The following AGBL1 variants were observed in gnomAD, a reference collection of about 807,000 sequenced individuals.
AGBL1 encodes AGBL carboxypeptidase 1, also known as cytosolic carboxypeptidase 4.
AGBL1 carries 130 observed loss-of-function variants against 118.9 expected under a neutral mutation model. The ratio of observed to expected loss-of-function variants is 1.09; its 90% CI spans 0.95 to 1.26. AGBL1 has a LOEUF of 1.26. Among genes scored for constraint, AGBL1 ranks in the 50% most tolerant of loss-of-function variants. AGBL1 has a pLI of 0.00. For missense variants in AGBL1, 1,584 were observed against 1,298.1 expected (o/e 1.22, Z -3.38); for synonymous variants, 555 against 478.9 (o/e 1.16, Z -2.08).
At chr15:86,924,132 C>T (rs913815980) in intron 23 of AGBL1, among the ~76,000 whole-genome samples, 1 of 152,346 alleles carries the variant, frequency 6.6e-6, no homozygotes. Flanking sequence ...CACAGATGCA[C>T]ATGTATGCAT....
At chr15:86,929,209 TTAA>T (rs553593906) in intron 23 of AGBL1, among the ~76,000 whole-genome samples, 147 of 152,336 alleles carry the variant, frequency 9.6e-4, no homozygotes, top group African/African-American at 3.3e-3. Context: ...AAACATTCTC[TTAA>T]TAAGAAAGAA....
intron 22 of AGBL1, among the ~76,000 whole-genome samples, chr15:86,714,937 C>T (rs12901516): frequency 0.39 from 59,530 of 152,016 alleles, 12,711 homozygotes; most frequent in Non-Finnish European, 0.48. Context: ...GTGCTCACCA[C>T]TTTAAATTTT....
chr15:86,643,662 CA>C (rs2085228177), intron 21 of AGBL1, among the ~76,000 whole-genome samples: 1 of 152,044 alleles, frequency 6.6e-6, no homozygotes, highest in Non-Finnish European at 1.5e-5. Context: ...ATTAGTTTGA[CA>C]TTTTTTAAAT....
At position 86,267,040 on chromosome 15, in the gene AGBL1, A is replaced by G. The variant is rs747316421; in HGVS notation, c.1802A>G (p.Glu601Gly). Residue 601 changes from glutamate to glycine, a missense_variant, in exon 13 of 23, where the codon GAG becomes GGG. Coordinates refer to ENST00000614907, the MANE Select transcript of AGBL1 (RefSeq NM_001386094.1). Reference protein sequence around the residue: ...SNCLRFFSKFESGNLRKAIQV... With the variant: ...SNCLRFFSKFGSGNLRKAIQV... ...TGTTTACGGTTCTTCTCCAAATTTG[A>G]GTCAGGAAATCTTCGCAAAGCCATC... 8 of 1,570,120 alleles carry G rather than the reference A, an allele frequency of 5.1e-6. No homozygotes were observed. The highest frequency in any genetic ancestry group is 6.9e-6 in the Non-Finnish European group (8 of 1,156,192).
At chr15:86,992,297 C>CG (rs1567276189) in intron 24 of AGBL1, among the ~76,000 whole-genome samples, 1 of 152,130 alleles carries the variant, frequency 6.6e-6, no homozygotes, top group Admixed American at 6.5e-5. Flanking sequence ...GCCTCCCACC[C>CG]GGCCTCGGCT....
At chr15:86,200,678 G>A (rs139497857) in intron 5 of AGBL1, among the ~76,000 whole-genome samples, 2,124 of 150,434 alleles carry the variant, frequency 0.014, 33 homozygotes, top group African/African-American at 0.044. Context: ...GTGCAATGGC[G>A]CGATCTCGGC....
intron 5 of AGBL1, among the ~76,000 whole-genome samples, chr15:86,212,985 T>A (rs1162393160): frequency 1.3e-5 from 2 of 152,010 alleles, no homozygotes; most frequent in Admixed American, 1.3e-4. Context: ...ATCATCTGAG[T>A]TTTAATGACG....
chr15:86,100,673 A>T (rs1471434399), intron 1 of AGBL1, among the ~76,000 whole-genome samples: 2 of 151,830 alleles, frequency 1.3e-5, no homozygotes, highest in East Asian at 1.9e-4. Flanking sequence ...ATAGTCTCTG[A>T]TGATCTTCGT....
intron 22 of AGBL1, among the ~76,000 whole-genome samples, chr15:86,803,155 C>T (rs754874881): frequency 1.6e-4 from 24 of 152,060 alleles, no homozygotes; most frequent in Non-Finnish European, 2.5e-4. Context: ...TCTGTGTCTC[C>T]GCTGAAATCT....
At chr15:86,216,063 G>A (rs901513804) in intron 5 of AGBL1, among the ~76,000 whole-genome samples, 1 of 152,140 alleles carries the variant, frequency 6.6e-6, no homozygotes, top group African/African-American at 2.4e-5. Context: ...CATTGCTAAT[G>A]TATAGAGATA....
At chr15:86,705,456 G>A (rs1016707723) in intron 22 of AGBL1, among the ~76,000 whole-genome samples, 1 of 152,110 alleles carries the variant, frequency 6.6e-6, no homozygotes, top group Non-Finnish European at 1.5e-5. Flanking sequence ...TAGAGTTATG[G>A]TGAAAATCAA....
At chr15:86,849,145 G>A (rs559274061) in intron 22 of AGBL1, among the ~76,000 whole-genome samples, 1 of 152,152 alleles carries the variant, frequency 6.6e-6, no homozygotes, top group Admixed American at 6.5e-5. Flanking sequence ...CTTATCCATC[G>A]CCAGTTCTGA....
At chr15:86,175,814 T>C (rs1322113985) in intron 5 of AGBL1, among the ~76,000 whole-genome samples, 2 of 152,236 alleles carry the variant, frequency 1.3e-5, no homozygotes, top group Non-Finnish European at 2.9e-5. Flanking sequence ...CCTTTTATTA[T>C]TGAGTTCTAG....
At chr15:86,990,240 C>T (rs536387522) in intron 24 of AGBL1, among the ~76,000 whole-genome samples, 2 of 152,168 alleles carry the variant, frequency 1.3e-5, no homozygotes, top group Admixed American at 6.5e-5. Context: ...TGGGGCCGGA[C>T]GCCATAGCTC....
chr15:86,572,375 G>A (rs1051662856), intron 21 of AGBL1, among the ~76,000 whole-genome samples: 1 of 152,196 alleles, frequency 6.6e-6, no homozygotes, highest in Non-Finnish European at 1.5e-5. Flanking sequence ...TTGCAGTCTG[G>A]GGTGGGGGCT....
At chr15:86,937,164 G>A (rs2080686752) in intron 23 of AGBL1, among the ~76,000 whole-genome samples, 1 of 152,212 alleles carries the variant, frequency 6.6e-6, no homozygotes, top group African/African-American at 2.4e-5. Context: ...AGATGCTAGT[G>A]AGGTTGTGGA....
chr15:86,871,088 C>T (rs1376279307), intron 22 of AGBL1, among the ~76,000 whole-genome samples: 1 of 152,158 alleles, frequency 6.6e-6, no homozygotes, highest in East Asian at 1.9e-4. Context: ...ATTAGACAAA[C>T]TTATCTGAGT....
intron 18 of AGBL1, among the ~76,000 whole-genome samples, chr15:86,414,034 G>A (rs2081656498): frequency 6.6e-6 from 1 of 152,106 alleles, no homozygotes; most frequent in African/African-American, 2.4e-5. Context: ...AACATTAATG[G>A]AACTGGAGGC....
chr15:86,962,870 A>G (rs1196894855), intron 23 of AGBL1, among the ~76,000 whole-genome samples: 7 of 152,076 alleles, frequency 4.6e-5, no homozygotes, highest in African/African-American at 1.7e-4. Context: ...CTGTGCACAA[A>G]AAGTTTGAGA....
Sources: allele counts gnomAD v4.1 joint callset (sites outside exome capture counted in the v4.1 genomes callset), GRCh38; gene constraint gnomAD v4.1.1; transcripts MANE v1.5; gene names NCBI Gene and HGNC (gene_info 2026-07-23, HGNC 2026-07-21).